The following NOP14 variants were observed in gnomAD, a reference collection of about 807,000 sequenced individuals.
NOP14 encodes the protein NOP14 nucleolar protein, also known as nucleolar protein 14.
NOP14 carries 57 observed loss-of-function variants against 101.6 expected under a neutral mutation model. That is an observed-to-expected ratio of 0.56 (90% confidence interval 0.45 to 0.70). NOP14 has a LOEUF of 0.70. Among genes scored for constraint, NOP14 ranks in the 30% least tolerant of loss-of-function variants. The pLI is 0.00. For synonymous variants in NOP14, 428 were observed against 424.0 expected (o/e 1.01, Z -0.12); for missense variants, 1,134 against 1,075.5 (o/e 1.05, Z -0.76).
At position 2,950,118 on chromosome 4, in the gene NOP14, G is replaced by A. The variant is rs1714918935; in HGVS notation, c.1098C>T (p.Gly366=). Residue 366 remains glycine, a synonymous_variant, in exon 8 of 18, where the codon GGC becomes GGT. Transcript: ENST00000416614. ...TGTCGCTCTCCTCTGTGTCCTCCCC[G>A]CCTGAACTGTCACCTTCTTCCTCGT... The part of the protein sequence containing the change: ...ESNEEEGDSS[G]GEDTEESDSP... 5.6e-6 allele frequency: 9 copies of A among 1,614,094 alleles called. No individual in the cohort carries two copies. The East Asian group carries it at 8.9e-5, about 16-fold the overall frequency.
chr4:2,963,367 G>C lies in NOP14; in HGVS notation c.-48C>G. The C allele has an allele frequency of 6.7e-7, 1 of 1,498,002 alleles. No individual in the cohort carries two copies. The allele number at this position is 1,498,002 out of a possible 1,614,324, so 92.8% of individuals were successfully genotyped here. On this transcript the variant is annotated 5_prime_UTR_variant, in exon 1 of 18. Transcript: ENST00000416614. ...AGGGCCCGAGACCCGAAGAGAGACA[G>C]GCGCGCGCTACCCTAAGACACGTGC...
Position 2,947,629 on chromosome 4 carries a change from G to A in NOP14, c.1414-18C>T, listed in dbSNP as rs770362934. On this transcript the variant is annotated intron_variant, in intron 9 of 17. Transcript: ENST00000416614. ...AACAGTTTCTGCAGGAACATGAATT[G>A]GGAAATAAAGCTCAGTGCTCAGCAC... 1.2e-6 allele frequency: 2 copies of A among 1,601,608 alleles called. No individual in the cohort carries two copies. The highest frequency in any genetic ancestry group is 1.7e-6 in the Non-Finnish European group (2 of 1,168,930).
chr4:2,954,446 A>T lies in NOP14; in HGVS notation c.590T>A (p.Ile197Asn). 6.2e-7 allele frequency: 1 copy of T among 1,614,156 alleles called. No individual in the cohort carries two copies. The highest frequency in any genetic ancestry group is 8.5e-7 in the Non-Finnish European group (1 of 1,180,000). The change falls in exon 4 of 18, where the codon ATT becomes AAT. Residue 197 changes from isoleucine to asparagine, a missense_variant. Physicochemically the swap from Ile to Asn is moderately radical, Grantham distance 149 (BLOSUM62 -3). Transcript: ENST00000416614. ...KSRKELIEEL[I>N]AKSKQEKRER... ...CACCTTCTCTTGTTTTGACTTGGCA[A>T]TGAGCTCTTCAATCAGCTCTTTCCG...
chr4:2,938,761 G>T lies in NOP14; in HGVS notation c.*70C>A. 1.5e-6 allele frequency: 2 copies of T among 1,294,958 alleles called. No homozygotes were observed. Among genetic ancestry groups the T allele is most frequent in the Non-Finnish European group, 1.1e-6 (1 of 904,492 alleles). 80.2% of individuals were successfully genotyped at this position (1,294,958 alleles called of 1,614,324 possible). On this transcript the variant is annotated 3_prime_UTR_variant, in exon 18 of 18. Coordinates refer to ENST00000416614, the MANE Select transcript of NOP14 (RefSeq NM_001291978.2). ...GGGCTGAAGCAATCTTCCTGCCTTG[G>T]CCTCCCAGAGGGTTGGAATTGCAGA...
Position 2,945,208 on chromosome 4 carries a change from C to A in NOP14, c.1657G>T (p.Gly553Trp). The change falls in exon 12 of 18, where the codon GGG becomes TGG. Residue 553 changes from glycine to tryptophan, a missense_variant. By Grantham distance (184) the Gly-to-Trp change is radical. Transcript: ENST00000416614. ...AAGTCGGAAGTTGGAAATAGCAGCC[C>A]AGTGATTTTCAAATAAATGAGCTGG... ...LDVLIYLKIT[G>W]LLFPTSDFWH... 1 of 1,574,660 alleles carries A rather than the reference C, an allele frequency of 6.4e-7. No individual in the cohort carries two copies.
intron 11 of NOP14, among the ~76,000 whole-genome samples, chr4:2,945,618 A>G (rs368012410): frequency 2.0e-5 from 3 of 152,276 alleles, no homozygotes; most frequent in East Asian, 3.8e-4. Context: ...GTATTTCCTT[A>G]AAGTTACTAA....
intron 17 of NOP14, 117 bp downstream of exon 17, chr4:2,939,071 A>G: frequency 6.6e-7 from 1 of 1,526,446 alleles, no homozygotes; most frequent in Non-Finnish European, 9.0e-7. Context: ...GCCTGGCTCC[A>G]ACCCCCAGCC....
At position 2,945,147 on chromosome 4, in the gene NOP14, A is replaced by G; in HGVS notation, c.1718T>C (p.Leu573Pro). The G allele has an allele frequency of 6.3e-7, 1 of 1,589,938 alleles. No homozygotes were observed. The highest frequency in any genetic ancestry group is 8.6e-7 in the Non-Finnish European group (1 of 1,167,838). ...HPVVTPALVC[L>P]SQLLTKCPIL... ...ACGCACCTTGGTGAGCAGCTGACTGAGGCACACGAGGGCAGGGGTCACCAC... is the reference window on the plus strand; with the variant it reads ...ACGCACCTTGGTGAGCAGCTGACTGGGGCACACGAGGGCAGGGGTCACCAC... The change falls in exon 12 of 18, where the codon CTC becomes CCC. Residue 573 changes from leucine to proline, a missense_variant. By Grantham distance (98) the Leu-to-Pro change is moderately conservative. Coordinates refer to ENST00000416614, the MANE Select transcript of NOP14 (RefSeq NM_001291978.2).
At chr4:2,959,135 G>C (rs775041497) in intron 1 of NOP14, among the ~76,000 whole-genome samples, 3 of 152,176 alleles carry the variant, frequency 2.0e-5, no homozygotes, top group Non-Finnish European at 4.4e-5. Flanking sequence ...CTGAAGAGTA[G>C]GAAACCATCC....
At chr4:2,953,142 C>T (rs1483496714) in intron 5 of NOP14, among the ~76,000 whole-genome samples, 1 of 152,148 alleles carries the variant, frequency 6.6e-6, no homozygotes, top group East Asian at 1.9e-4. Flanking sequence ...AAAGAGAATG[C>T]AGTAGGAAAC....
intron 1 of NOP14, chr4:2,961,215 T>C (rs1253761836): frequency 0.055 from 54 of 976 alleles, no homozygotes; most frequent in Non-Finnish European, 0.075. Flanking sequence ...AATATATTAA[T>C]ATATTAATAT....
At chr4:2,946,580 T>A (rs890266581) in intron 10 of NOP14, 33 bp from the exon 11 acceptor site, 1 of 1,610,296 alleles carries the variant, frequency 6.2e-7, no homozygotes, top group Admixed American at 1.7e-5. Context: ...CAGGAGAGAA[T>A]GACTTTAGAT....
chr4:2,957,435 A>C (rs1715422938), intron 2 of NOP14, among the ~76,000 whole-genome samples, 171 bp downstream of exon 2: 1 of 152,262 alleles, frequency 6.6e-6, no homozygotes, highest in South Asian at 2.1e-4. Context: ...CATTTGCAGA[A>C]GAGGTTGCTT....
intron 1 of NOP14, among the ~76,000 whole-genome samples, chr4:2,962,805 C>A (rs1046656673): frequency 2.0e-5 from 3 of 152,206 alleles, no homozygotes; most frequent in Non-Finnish European, 4.4e-5. Context: ...GTCCCCAAAC[C>A]TGCAGAGCTC....
rs953409645 is a variant in NOP14, at chr4:2,938,482, C to T, written c.*349G>A. On this transcript the variant is annotated 3_prime_UTR_variant, in exon 18 of 18. Transcript: ENST00000416614. ...TTGTGCCATTGCACTCCAGCCTGGGCAACAAGAGCAAAACTCCGTCTCAAA... is the reference window on the plus strand; with the variant it reads ...TTGTGCCATTGCACTCCAGCCTGGGTAACAAGAGCAAAACTCCGTCTCAAA... 2.1e-5 allele frequency: 7 copies of T among 334,580 alleles called. No homozygotes were observed. The highest frequency in any genetic ancestry group is 4.0e-5 in the Non-Finnish European group (7 of 172,906). The allele number at this position is 334,580 out of a possible 1,614,324, so 20.7% of individuals were successfully genotyped here. A position where few individuals can be genotyped will look rare whatever the true frequency, so the allele number is the denominator to read the frequency against.
At chr4:2,957,501 C>T (rs1438000429) in intron 2 of NOP14, 105 bp downstream of exon 2, 26 of 1,396,952 alleles carry the variant, frequency 1.9e-5, no homozygotes, top group Non-Finnish European at 2.6e-5. Context: ...CCTGGACCTT[C>T]CGAGTGCCCA....
chr4:2,959,915 T>C (rs1044916230), intron 1 of NOP14, among the ~76,000 whole-genome samples: 1 of 151,824 alleles, frequency 6.6e-6, no homozygotes, highest in Non-Finnish European at 1.5e-5. Flanking sequence ...TGTGCTAGCC[T>C]GTACTGCTCG....
chr4:2,950,964 T>C, intron 7 of NOP14, 150 bp downstream of exon 7: 2 of 672,702 alleles, frequency 3.0e-6, no homozygotes. Flanking sequence ...ATATCTGATA[T>C]ACCATAAACA....
chr4:2,946,257 T>A (rs1157935778), intron 11 of NOP14, among the ~76,000 whole-genome samples, 155 bp downstream of exon 11: 2 of 149,920 alleles, frequency 1.3e-5, no homozygotes, highest in Non-Finnish European at 3.0e-5. Context: ...TGCCGTGCAC[T>A]CTCACTCCAG....
Sources: allele counts gnomAD v4.1 joint callset (sites outside exome capture counted in the v4.1 genomes callset), GRCh38; gene constraint gnomAD v4.1.1; transcripts MANE v1.5; gene names NCBI Gene and HGNC (gene_info 2026-07-23, HGNC 2026-07-21).